The following UTRN variants were observed in gnomAD, a reference collection of about 807,000 sequenced individuals.
The protein encoded by UTRN is utrophin.
In UTRN, 283 loss-of-function variants were observed where a neutral mutation model predicts 463.9. The ratio of observed to expected loss-of-function variants is 0.61; its 90% CI spans 0.55 to 0.67. The LOEUF is 0.67. UTRN is among the 30% of genes least tolerant of loss of function. The pLI, the probability that UTRN is intolerant of heterozygous loss-of-function variation, is 0.00. For synonymous variants in UTRN, 1,442 were observed against 1,431.5 expected, an observed-to-expected ratio of 1.01 and a Z score of -0.17; for missense variants, 3,922 against 4,084.3, an observed-to-expected ratio of 0.96 and a Z score of 1.08.
At chr6:144,778,239 T>C (rs1259071807) in intron 60 of UTRN, among the ~76,000 whole-genome samples, 2 of 152,128 alleles carry the variant, frequency 1.3e-5, no homozygotes, top group East Asian at 3.8e-4. Context: ...TAAGGCTGCC[T>C]GAGGAAGAAC....
intron 61 of UTRN, among the ~76,000 whole-genome samples, chr6:144,785,423 C>T (rs1485721046): frequency 6.6e-6 from 1 of 152,142 alleles, no homozygotes; most frequent in Non-Finnish European, 1.5e-5. Context: ...CCCGTTGAGA[C>T]AGGAGAATTT....
intron 3 of UTRN, among the ~76,000 whole-genome samples, chr6:144,404,533 C>T (rs1057114420): frequency 6.6e-6 from 1 of 152,072 alleles, no homozygotes; most frequent in African/African-American, 2.4e-5. Context: ...ATTATTTTTC[C>T]TGGTTATTCA....
intron 2 of UTRN, among the ~76,000 whole-genome samples, chr6:144,352,137 C>A (rs1778161586): frequency 6.6e-6 from 1 of 152,128 alleles, no homozygotes; most frequent in Non-Finnish European, 1.5e-5. Context: ...ATTCCCCTAG[C>A]AAATTCACTT....
intron 51 of UTRN, among the ~76,000 whole-genome samples, chr6:144,595,277 T>C (rs4052725): frequency 1.3e-5 from 2 of 152,046 alleles, no homozygotes; most frequent in Admixed American, 6.6e-5. Context: ...TGGAGTATTA[T>C]GGAAATCGAA....
At chr6:144,664,238 G>A (rs547020413) in intron 51 of UTRN, among the ~76,000 whole-genome samples, 3 of 152,282 alleles carry the variant, frequency 2.0e-5, no homozygotes, top group Admixed American at 2.0e-4. Context: ...TGTGTCAGGG[G>A]AAGAAATTGG....
chr6:144,672,163 T>A (rs1255076853), intron 51 of UTRN, among the ~76,000 whole-genome samples: 1 of 152,136 alleles, frequency 6.6e-6, no homozygotes, highest in Non-Finnish European at 1.5e-5. Flanking sequence ...AGGGTGATAC[T>A]GGCTTCGTAG....
intron 2 of UTRN, among the ~76,000 whole-genome samples, chr6:144,319,340 C>T (rs1192345122): frequency 6.6e-6 from 1 of 151,920 alleles, no homozygotes; most frequent in Non-Finnish European, 1.5e-5. Flanking sequence ...GCAGAGACTT[C>T]GACACTTAAG....
intron 51 of UTRN, among the ~76,000 whole-genome samples, chr6:144,669,956 G>GGTGT (rs35769043): frequency 0.011 from 1,558 of 147,992 alleles, 21 homozygotes; most frequent in African/African-American, 0.023. Flanking sequence ...AGTATTCCAT[G>GGTGT]GTGTGTGTGT....
chr6:144,525,940 C>A (rs1796535732), intron 41 of UTRN, among the ~76,000 whole-genome samples: 1 of 152,152 alleles, frequency 6.6e-6, no homozygotes, highest in East Asian at 1.9e-4. Context: ...CATTGATGAC[C>A]CAATGATCAT....
At position 144,824,473 on chromosome 6, in the gene UTRN, G is replaced by GTA. The variant is rs376508790; in HGVS notation, c.9495-2868_9495-2867dup. Among the ~76,000 whole-genome samples, 21 of 41,924 alleles carry GTA rather than the reference G, an allele frequency of 5.0e-4. No individual in the cohort carries two copies. In the East Asian group the frequency reaches 0.043, roughly 85 times the overall value. The allele number at this position is 41,924 out of a possible 152,430, so 27.5% of individuals were successfully genotyped here. A position where few individuals can be genotyped will look rare whatever the true frequency, so the allele number is the denominator to read the frequency against. On this transcript the variant is annotated intron_variant, in intron 66 of 74. Coordinates refer to ENST00000367545, the MANE Select transcript of UTRN (RefSeq NM_007124.3). ...CATATACAATAAATATGTATATATA[G>GTA]TATATATACACATATACAATAAATA... is the stretch of plus-strand genomic sequence containing the variant.
chr6:144,321,232 C>T (rs999796376), intron 2 of UTRN, among the ~76,000 whole-genome samples: 2 of 151,194 alleles, frequency 1.3e-5, no homozygotes, highest in Non-Finnish European at 1.5e-5. Context: ...ACACACACAA[C>T]CATATACACC....
chr6:144,647,227 A>G (rs1395485179), intron 51 of UTRN, among the ~76,000 whole-genome samples: 6 of 152,202 alleles, frequency 3.9e-5, no homozygotes, highest in Non-Finnish European at 8.8e-5. Context: ...ATTTAATTAG[A>G]TCCTTAAAGC....
intron 44 of UTRN, among the ~76,000 whole-genome samples, chr6:144,538,777 A>T (rs1797758619): frequency 6.6e-6 from 1 of 152,236 alleles, no homozygotes; most frequent in Non-Finnish European, 1.5e-5. Flanking sequence ...ATAAAGGAGT[A>T]TGATTGAAGC....
chr6:144,413,263 G>C (rs1784076024), intron 3 of UTRN, among the ~76,000 whole-genome samples: 1 of 152,174 alleles, frequency 6.6e-6, no homozygotes, highest in Non-Finnish European at 1.5e-5. Context: ...TAGTGATGCT[G>C]TAACTGTTAT....
At chr6:144,725,881 T>C (rs563215766) in intron 53 of UTRN, among the ~76,000 whole-genome samples, 17 of 152,336 alleles carry the variant, frequency 1.1e-4, no homozygotes, top group African/African-American at 4.1e-4. Context: ...GGGTGGTGCA[T>C]TGGCATGAGG....
intron 51 of UTRN, among the ~76,000 whole-genome samples, chr6:144,662,895 G>A (rs1435553038): frequency 6.6e-6 from 1 of 152,172 alleles, no homozygotes; most frequent in Non-Finnish European, 1.5e-5. Flanking sequence ...CAGTGGTTTT[G>A]TGATTTTTAC....
At chr6:144,841,919 G>A (rs1163701830) in intron 73 of UTRN, among the ~76,000 whole-genome samples, 1 of 151,984 alleles carries the variant, frequency 6.6e-6, no homozygotes, top group African/African-American at 2.4e-5. Context: ...AGACCAGTCT[G>A]ACCAACATGG....
At chr6:144,677,523 C>A (rs1781756830) in intron 51 of UTRN, among the ~76,000 whole-genome samples, 1 of 152,100 alleles carries the variant, frequency 6.6e-6, no homozygotes, top group African/African-American at 2.4e-5. Context: ...CATTGATGGG[C>A]ATTTGGGTTG....
chr6:144,451,430 G>T lies in UTRN; in HGVS notation c.2133G>T (p.Gln711His). 1 of 1,613,332 alleles carries T rather than the reference G, an allele frequency of 6.2e-7. No homozygotes were observed. Among genetic ancestry groups the T allele is most frequent in the Non-Finnish European group, 8.5e-7 (1 of 1,179,832 alleles). Residue 711 changes from glutamine (Q) to histidine (H), a missense_variant, in exon 18 of 75, where the codon CAG becomes CAT. Coordinates refer to ENST00000367545, the MANE Select transcript of UTRN (RefSeq NM_007124.3). ...NWILKWKTAI[Q>H]TTEIKEYMKM... ...TTTTGAAATGGAAAACTGCCATTCA[G>T]ACCACAGAGATAAAAGAGTATATGA...
Sources: allele counts gnomAD v4.1 joint callset (sites outside exome capture counted in the v4.1 genomes callset), GRCh38; gene constraint gnomAD v4.1.1; transcripts MANE v1.5; gene names NCBI Gene and HGNC (gene_info 2026-07-23, HGNC 2026-07-21).